Variants in PCDHGA5 observed in about 807,000 individuals in gnomAD.
PCDHGA5 encodes the protein protocadherin gamma-A5.
PCDHGA5 carries 36 observed loss-of-function variants against 56.7 expected under a neutral mutation model. The ratio of observed to expected loss-of-function variants is 0.64; its 90% CI spans 0.49 to 0.84. The LOEUF is 0.84. PCDHGA5 is among the 40% of genes least tolerant of loss of function. PCDHGA5 has a pLI of 0.00. For missense variants in PCDHGA5, 1,305 were observed against 1,201.5 expected (o/e 1.09, Z -1.27); for synonymous variants, 563 against 520.2 (o/e 1.08, Z -1.12).
At chr5:141,399,590 T>C (rs1369616193) in intron 1 of PCDHGA5, 5 of 1,613,854 alleles carry the variant, frequency 3.1e-6, no homozygotes, top group Admixed American at 3.3e-5. Flanking sequence ...TACTCTATCA[T>C]GGCCAGCGAC....
Position 141,366,357 on chromosome 5 carries a change from G to T in PCDHGA5, c.2027G>T (p.Gly676Val). Residue 676 changes from glycine (G) to valine (V), a missense_variant, in exon 1 of 4, where the codon GGC becomes GTC. Transcript: ENST00000518069. The stretch of plus-strand genomic sequence containing the variant: ...ATCCCTGACATCCTGGCTGACCTAG[G>T]CAGTATCAAGACCCCCATTGACCCT... ...DRIPDILADL[G>V]SIKTPIDPED... The T allele has an allele frequency of 6.2e-7, 1 of 1,614,020 alleles. No homozygotes were observed. Among genetic ancestry groups the T allele is most frequent in the South Asian group, 1.1e-5 (1 of 91,090 alleles).
At chr5:141,494,069 C>T (rs1249076667) in intron 1 of PCDHGA5, among the ~76,000 whole-genome samples, 1 of 152,146 alleles carries the variant, frequency 6.6e-6, no homozygotes, top group Non-Finnish European at 1.5e-5. Context: ...GAGCTGGATC[C>T]CTCCCCGCTG....
chr5:141,383,514 G>A (rs778204328), intron 1 of PCDHGA5: 2 of 1,612,718 alleles, frequency 1.2e-6, no homozygotes, highest in South Asian at 2.2e-5. Context: ...GGGAGGAAGA[G>A]CGGGTTCACC....
At chr5:141,383,556 C>T (rs1365311931) in intron 1 of PCDHGA5, 1 of 1,612,766 alleles carries the variant, frequency 6.2e-7, no homozygotes, top group Non-Finnish European at 8.5e-7. Context: ...ATGGCGGCGA[C>T]CCGCCCCGAT....
chr5:141,500,571 C>T (rs1171231755), intron 2 of PCDHGA5, among the ~76,000 whole-genome samples: 1 of 152,196 alleles, frequency 6.6e-6, no homozygotes, highest in African/African-American at 2.4e-5. Context: ...GTCACACTTT[C>T]ATGTGACACT....
intron 1 of PCDHGA5, among the ~76,000 whole-genome samples, chr5:141,451,703 A>G (rs975120935): frequency 6.6e-6 from 1 of 152,144 alleles, no homozygotes; most frequent in Non-Finnish European, 1.5e-5. Flanking sequence ...GTAACATGAC[A>G]AAACCCTGCC....
chr5:141,459,557 A>G (rs1052669136), intron 1 of PCDHGA5, among the ~76,000 whole-genome samples: 1 of 152,224 alleles, frequency 6.6e-6, no homozygotes, highest in East Asian at 1.9e-4. Context: ...TCTTGGATAA[A>G]TACCCCAAAA....
chr5:141,457,902 G>A (rs1219261409), intron 1 of PCDHGA5, among the ~76,000 whole-genome samples: 1 of 150,854 alleles, frequency 6.6e-6, no homozygotes, highest in Non-Finnish European at 1.5e-5. Flanking sequence ...GTGTAGACAA[G>A]GTGTGAGGCC....
chr5:141,485,577 G>A lies in PCDHGA5; in HGVS notation c.2422-9230G>A. Reference sequence around the variant, plus strand: ...AATGATCACGCCCCCCGTTTTCCGCGGCAGCAGCTGGACTTGGAAATTGGG... The same window carrying A: ...AATGATCACGCCCCCCGTTTTCCGCAGCAGCAGCTGGACTTGGAAATTGGG... On this transcript the variant is annotated intron_variant, in intron 1 of 3. Transcript: ENST00000518069. This position sits in a 1 kb window ranked among gnomAD's most constrained non-coding sequence, Gnocchi z 5.7. 2 of 1,612,500 alleles carry A rather than the reference G, an allele frequency of 1.2e-6. No individual in the cohort carries two copies. Among genetic ancestry groups the A allele is most frequent in the Non-Finnish European group, 8.5e-7 (1 of 1,178,676 alleles).
At chr5:141,384,075 T>C in intron 1 of PCDHGA5, 1 of 1,600,788 alleles carries the variant, frequency 6.2e-7, no homozygotes, top group Non-Finnish European at 8.5e-7. Context: ...ACCTACCTTT[T>C]AAATTAGAAA....
At position 141,365,465 on chromosome 5, in the gene PCDHGA5, A is replaced by G; in HGVS notation, c.1135A>G (p.Asn379Asp). ...CGTACATGATGGTGATTCTGGAGAA[A>G]ATGGTGAGATTGCATGCTCTATTCC... ...FSVHDGDSGE[N>D]GEIACSIPRN... Residue 379 changes from asparagine to aspartate, a missense_variant, in exon 1 of 4, where the codon AAT becomes GAT. By Grantham distance (23) the Asn-to-Asp change is conservative. Transcript: ENST00000518069. The G allele has an allele frequency of 6.2e-7, 1 of 1,614,024 alleles. No homozygotes were observed. Among genetic ancestry groups the G allele is most frequent in the South Asian group, 1.1e-5 (1 of 91,090 alleles).
chr5:141,425,949 C>T (rs2096905190), intron 1 of PCDHGA5, among the ~76,000 whole-genome samples: 1 of 152,224 alleles, frequency 6.6e-6, no homozygotes. Flanking sequence ...GTTTCCTATA[C>T]ATTAGTCCAA....
chr5:141,417,230 T>C (rs2096097492), intron 1 of PCDHGA5: 1 of 152,210 alleles, frequency 6.6e-6, no homozygotes, highest in Non-Finnish European at 1.5e-5. Context: ...AAAAAATTTG[T>C]TGCTTATCTT....
At chr5:141,440,113 G>A (rs1375262224) in intron 1 of PCDHGA5, 1 of 152,248 alleles carries the variant, frequency 6.6e-6, no homozygotes, top group Non-Finnish European at 1.5e-5. Context: ...ACTTACTTGT[G>A]AATGACTGAA....
At chr5:141,419,155 A>G in intron 1 of PCDHGA5, 1 of 1,613,966 alleles carries the variant, frequency 6.2e-7, no homozygotes, top group Middle Eastern at 1.6e-4. Context: ...AGCCTCCGTT[A>G]TCCTCCAGCA....
intron 1 of PCDHGA5, chr5:141,392,630 C>T (rs1431794812): frequency 1.7e-6 from 1 of 602,802 alleles, no homozygotes; most frequent in African/African-American, 1.9e-5. Context: ...ACACTCAGAT[C>T]TCACACCTCA....
At chr5:141,403,789 C>G (rs1230029917) in intron 1 of PCDHGA5, 1 of 1,613,864 alleles carries the variant, frequency 6.2e-7, no homozygotes. Context: ...AAGTGGCATA[C>G]AAATTCTGGA....
chr5:141,434,894 C>T (rs1316284716), intron 1 of PCDHGA5, among the ~76,000 whole-genome samples: 1 of 143,118 alleles, frequency 7.0e-6, no homozygotes, highest in East Asian at 2.1e-4. Flanking sequence ...AATCCAGTCC[C>T]CTTCCCTCAT....
intron 1 of PCDHGA5, chr5:141,408,732 A>AT: frequency 2.5e-6 from 4 of 1,610,016 alleles, no homozygotes; most frequent in Non-Finnish European, 3.4e-6. Context: ...TCTAATCCTT[A>AT]TTTTTCATTA....
Sources: allele counts gnomAD v4.1 joint callset (sites outside exome capture counted in the v4.1 genomes callset), GRCh38; gene constraint gnomAD v4.1.1; non-coding constraint Gnocchi (gnomAD v3.1); transcripts MANE v1.5; gene names NCBI Gene and HGNC (gene_info 2026-07-23, HGNC 2026-07-21).